The following PDS5A variants were observed in gnomAD, a reference collection of about 807,000 sequenced individuals.
The protein encoded by PDS5A is PDS5 cohesin associated factor A.
In PDS5A, 42 loss-of-function variants were observed where a neutral mutation model predicts 167.1. That is an observed-to-expected ratio of 0.25 (90% confidence interval 0.20 to 0.33). The LOEUF is 0.33. Ranked by LOEUF, PDS5A falls within the 10% of genes least tolerant of loss-of-function variation. PDS5A has a pLI of 1.00. For missense variants in PDS5A, 1,033 were observed against 1,605.9 expected, an observed-to-expected ratio of 0.64 and a Z score of 6.10; for synonymous variants, 553 against 554.6, an observed-to-expected ratio of 1.00 and a Z score of 0.04.
chr4:39,941,178 T>A (rs977494891), intron 2 of PDS5A, among the ~76,000 whole-genome samples: 1 of 152,058 alleles, frequency 6.6e-6, no homozygotes, highest in Non-Finnish European at 1.5e-5. Flanking sequence ...ACTAGACTTT[T>A]AAGTTCTGTG....
intron 17 of PDS5A, among the ~76,000 whole-genome samples, chr4:39,889,063 T>G (rs932147477): frequency 6.6e-6 from 1 of 152,234 alleles, no homozygotes; most frequent in African/African-American, 2.4e-5. Flanking sequence ...ATATGAATTC[T>G]AATCCCCAGT....
intron 2 of PDS5A, among the ~76,000 whole-genome samples, chr4:39,930,044 T>C (rs1462959175): frequency 1.3e-5 from 2 of 150,168 alleles, no homozygotes; most frequent in East Asian, 2.0e-4. Context: ...TGAAACCCCG[T>C]CTCTACTAAA....
chr4:39,852,805 A>G (rs1162572305), intron 26 of PDS5A, among the ~76,000 whole-genome samples: 2 of 151,980 alleles, frequency 1.3e-5, no homozygotes, highest in African/African-American at 4.8e-5. Context: ...TCTGGATGAC[A>G]TTTTTCCTTG....
intron 2 of PDS5A, chr4:39,973,567 G>A (rs911011403): frequency 1.4e-4 from 168 of 1,242,338 alleles, no homozygotes; most frequent in Middle Eastern, 1.9e-4. Flanking sequence ...GATGGAGGGT[G>A]GTCACAGCAA....
intron 13 of PDS5A, among the ~76,000 whole-genome samples, chr4:39,901,288 A>C (rs895329345): frequency 1.7e-5 from 1 of 60,228 alleles, no homozygotes; most frequent in African/African-American, 6.8e-5. Context: ...TTTTTTTTTG[A>C]GACAAGTCTC....
intron 19 of PDS5A, among the ~76,000 whole-genome samples, chr4:39,876,193 T>C (rs1720447803): frequency 6.6e-6 from 1 of 152,182 alleles, no homozygotes; most frequent in South Asian, 2.1e-4. Context: ...AACTATCCTA[T>C]TGTGTCAGTG....
intron 16 of PDS5A, among the ~76,000 whole-genome samples, chr4:39,895,084 G>A (rs112075450): frequency 0.036 from 5,446 of 151,732 alleles, 129 homozygotes; most frequent in Middle Eastern, 0.1. Flanking sequence ...AAAATTAGCC[G>A]GGCGAGGTGG....
intron 11 of PDS5A, among the ~76,000 whole-genome samples, chr4:39,906,317 G>C (rs1368483079): frequency 1.3e-5 from 2 of 151,796 alleles, no homozygotes; most frequent in Non-Finnish European, 2.9e-5. Context: ...GCAGTGAGCT[G>C]AGATTACACC....
At chr4:39,936,264 C>T (rs561130859) in intron 2 of PDS5A, among the ~76,000 whole-genome samples, 1 of 152,114 alleles carries the variant, frequency 6.6e-6, no homozygotes, top group Non-Finnish European at 1.5e-5. Flanking sequence ...GCGCAGAACC[C>T]CACAGGCAAA....
intron 8 of PDS5A, among the ~76,000 whole-genome samples, chr4:39,915,138 A>G (rs1724244443): frequency 6.6e-6 from 1 of 152,022 alleles, no homozygotes; most frequent in Admixed American, 6.6e-5. Context: ...TCCTGGGCTC[A>G]AGTGATCCTC....
In PDS5A at chr4:39,922,738, T is replaced by G. The variant is rs1004098918; in HGVS notation, c.538A>C (p.Asn180His). The change falls in exon 6 of 33, where the codon AAT (asparagine) becomes CAT (histidine). Residue 180 changes from asparagine (N) to histidine (H), a missense_variant. This residue lies in a region of PDS5A where 388 missense variants were observed against 615.1 expected (regional missense o/e 0.63). Transcript: ENST00000303538. ...TLFSVINNSHNKKVQMHMLDL... is the reference protein window; with the variant it reads ...TLFSVINNSHHKKVQMHMLDL... Reference sequence around the variant, plus strand: ...AGCATGTGCATTTGTACCTTCTTATTGTGGCTATTGCTATAAAAAAAAAAA... The same window carrying G: ...AGCATGTGCATTTGTACCTTCTTATGGTGGCTATTGCTATAAAAAAAAAAA... The G allele has an allele frequency of 1.3e-6, 2 of 1,498,926 alleles. No homozygotes were observed. The highest frequency in any genetic ancestry group is 2.9e-5 in the African/African-American group (2 of 68,504). 92.9% of individuals were successfully genotyped at this position (1,498,926 alleles called of 1,614,324 possible).
In PDS5A at chr4:39,928,045, C is replaced by T; in HGVS notation, c.258G>A (p.Val86=). 2 of 1,613,756 alleles carry T rather than the reference C, an allele frequency of 1.2e-6. No individual in the cohort carries two copies. The highest frequency in any genetic ancestry group is 1.7e-6 in the Non-Finnish European group (2 of 1,179,730). Residue 86 remains valine, a synonymous_variant, in exon 3 of 33, where the codon GTG becomes GTA. Transcript: ENST00000303538. ...CCAAACAACATGCTACAAGGAGACG[C>T]ACATCTTTATTGGGGTTCCTGAGGA... is the stretch of plus-strand genomic sequence containing the variant. The part of the protein sequence containing the change: ...EFFLRNPNKD[V]RLLVACCLAD...
chr4:39,915,417 T>C (rs532302530), intron 8 of PDS5A, among the ~76,000 whole-genome samples: 9 of 142,804 alleles, frequency 6.3e-5, no homozygotes, highest in Non-Finnish European at 9.0e-5. Context: ...TGGAGTACAG[T>C]GGAGCAACCT....
At chr4:39,892,098 C>T (rs528688220) in intron 16 of PDS5A, among the ~76,000 whole-genome samples, 122 of 151,584 alleles carry the variant, frequency 8.0e-4, no homozygotes, top group African/African-American at 2.9e-3. Flanking sequence ...TGTCTCAAAA[C>T]AAAAAACAAA....
intron 32 of PDS5A, among the ~76,000 whole-genome samples, chr4:39,835,851 G>C (rs1424502593): frequency 6.6e-6 from 1 of 152,222 alleles, no homozygotes; most frequent in Admixed American, 6.5e-5. Context: ...ATTTTAGTTA[G>C]ATGGTACAGG....
At chr4:39,909,210 C>T (rs1723678822) in intron 10 of PDS5A, among the ~76,000 whole-genome samples, 1 of 151,744 alleles carries the variant, frequency 6.6e-6, no homozygotes. Context: ...ACTGCAACCT[C>T]CGCCGCCCAG....
At chr4:39,832,411 C>T (rs1715986940) in intron 32 of PDS5A, among the ~76,000 whole-genome samples, 1 of 151,806 alleles carries the variant, frequency 6.6e-6, no homozygotes, top group African/African-American at 2.4e-5. Flanking sequence ...GACGGGATTT[C>T]ACCGTGTTAG....
chr4:39,952,838 C>T (rs1323054276), intron 2 of PDS5A, among the ~76,000 whole-genome samples: 1 of 151,334 alleles, frequency 6.6e-6, no homozygotes, highest in Non-Finnish European at 1.5e-5. Context: ...AAATGACTCT[C>T]CTGCCTCAGC....
rs557235546 is a variant in PDS5A, at chr4:39,863,554, A to AT, written c.2643-96dup. Reference sequence around the variant, plus strand: ...TTTTTGAATGTAAGGTCCTTAGAGCATAATTTATGTTTAAAATGACGTACA... The same window carrying AT: ...TTTTTGAATGTAAGGTCCTTAGAGCATTAATTTATGTTTAAAATGACGTACA... On this transcript the variant is annotated intron_variant, in intron 23 of 32. Transcript: ENST00000303538. The AT allele has an allele frequency of 2.0e-3, 1,530 of 778,876 alleles. 16 individuals are homozygous for AT. The African/African-American group carries it at 0.022, about 11-fold the overall frequency. 48.2% of individuals were successfully genotyped at this position (778,876 alleles called of 1,614,324 possible).
Sources: gnomAD v4.1 joint callset for allele counts (sites outside exome capture counted in the v4.1 genomes callset) on GRCh38, gnomAD v4.1.1 for gene constraint, gnomAD v4.1.1 regional missense constraint, MANE v1.5 for transcripts, NCBI Gene and HGNC (gene_info 2026-07-23, HGNC 2026-07-21) for gene names.